TMEM229B: variants seen among roughly 807,000 people sequenced by gnomAD.
TMEM229B encodes chromosome 14 open reading frame 83.
Under a neutral mutation model 13.7 loss-of-function variants are expected in TMEM229B, and 6 were observed. The ratio of observed to expected loss-of-function variants is 0.44; its 90% confidence interval spans 0.24 to 0.86. The LOEUF is 0.86. TMEM229B is among the 40% of genes least tolerant of loss of function. The probability of loss-of-function intolerance (pLI) is 0.23; values close to 1 mark genes in which losing one functional copy is unlikely to be tolerated. For missense variants in TMEM229B, 170 were observed against 236.0 expected (o/e 0.72, Z 1.83); for synonymous variants, 107 against 102.1 (o/e 1.05, Z -0.29).
At chr14:67,525,349 T>C (rs2033350152) in intron 1 of TMEM229B, among the ~76,000 whole-genome samples, 1 of 152,248 alleles carries the variant, frequency 6.6e-6, no homozygotes, top group Non-Finnish European at 1.5e-5. Flanking sequence ...TCAATAAATA[T>C]AATTCTTCAT....
exon 1 of TMEM229B, chr14:67,515,420 C>A: frequency 5.4e-6 from 1 of 184,122 alleles, no homozygotes; most frequent in Non-Finnish European, 1.1e-5. Flanking sequence ...GCGGCGGCGG[C>A]GGCGGCGGCG....
Position 67,473,867 on chromosome 14 carries a change from G to A in TMEM229B, c.57C>T (p.His19=), listed in dbSNP as rs1465724806. 5.0e-6 allele frequency: 8 copies of A among 1,612,104 alleles called. No individual in the cohort carries two copies. In the South Asian group the frequency reaches 5.5e-5, roughly 11 times the overall value. The change falls in exon 3 of 3, where the codon CAC becomes CAT. Residue 19 remains histidine, a synonymous_variant. Coordinates refer to ENST00000554480, the MANE Select transcript of TMEM229B (RefSeq NM_001348543.2). This position sits in a 1 kb window ranked among gnomAD's most constrained non-coding sequence, Gnocchi z 6.5. ...ALSRWYLYAI[H]GYFCEVMFTA... is the part of the protein sequence containing the mutation. ...TGAACATCACCTCGCAGAAGTAGCCGTGGATGGCATACAGGTACCAGCGGG... is the reference window on the plus strand; with the variant it reads ...TGAACATCACCTCGCAGAAGTAGCCATGGATGGCATACAGGTACCAGCGGG...
chr14:67,531,562 C>T (rs905769579), intron 1 of TMEM229B, among the ~76,000 whole-genome samples: 5 of 151,850 alleles, frequency 3.3e-5, no homozygotes, highest in South Asian at 2.1e-4. Flanking sequence ...GGAGAGCATG[C>T]TCCTCCCATT....
intron 2 of TMEM229B, among the ~76,000 whole-genome samples, chr14:67,485,812 C>T (rs932749818): frequency 3.9e-5 from 6 of 152,248 alleles, no homozygotes; most frequent in African/African-American, 1.4e-4. Flanking sequence ...CACCCTACCT[C>T]GAGCTTGTCT....
chr14:67,483,514 G>A (rs2031708252), intron 2 of TMEM229B, among the ~76,000 whole-genome samples: 1 of 152,190 alleles, frequency 6.6e-6, no homozygotes, highest in Non-Finnish European at 1.5e-5. Context: ...CAAGGAGAAG[G>A]TTGTGAACTT....
Position 67,473,176 on chromosome 14 carries a change from A to G in TMEM229B, c.*244T>C, listed in dbSNP as rs1299656257. On this transcript the variant is annotated 3_prime_UTR_variant, in exon 3 of 3. Transcript: ENST00000554480. The surrounding 1 kb of genome is among the most constrained non-coding windows in gnomAD (Gnocchi z 6.5). Reference sequence around the variant, plus strand: ...CAGGCCTCCTGGTACCAACCCCTGAACTGGGCCGCGATCCATGGACCCTTC... The same window carrying G: ...CAGGCCTCCTGGTACCAACCCCTGAGCTGGGCCGCGATCCATGGACCCTTC... 1.9e-6 allele frequency: 1 copy of G among 540,378 alleles called. No homozygotes were observed. Among genetic ancestry groups the G allele is most frequent in the African/African-American group, 1.9e-5 (1 of 52,538 alleles). 33.5% of individuals were successfully genotyped at this position (540,378 alleles called of 1,614,324 possible). A position where few individuals can be genotyped will look rare whatever the true frequency, so the allele number is the denominator to read the frequency against.
chr14:67,500,937 C>G (rs1020144985), intron 1 of TMEM229B, among the ~76,000 whole-genome samples: 3 of 151,720 alleles, frequency 2.0e-5, no homozygotes, highest in African/African-American at 7.3e-5. Context: ...CAAATTGACT[C>G]AAATGAGTAG....
chr14:67,509,930 A>T (rs2032971012), intron 1 of TMEM229B, among the ~76,000 whole-genome samples: 1 of 152,196 alleles, frequency 6.6e-6, no homozygotes, highest in African/African-American at 2.4e-5. Flanking sequence ...GGATCACTTG[A>T]ACCCAGGAGT....
intron 1 of TMEM229B, among the ~76,000 whole-genome samples, chr14:67,526,987 A>G (rs753112109): frequency 5.9e-5 from 9 of 152,230 alleles, no homozygotes; most frequent in Non-Finnish European, 1.2e-4. Flanking sequence ...GGTTCAGGCC[A>G]AGCCACTAGG....
intron 2 of TMEM229B, among the ~76,000 whole-genome samples, chr14:67,483,847 G>A (rs909740684): frequency 2.6e-5 from 4 of 152,232 alleles, no homozygotes; most frequent in Non-Finnish European, 5.9e-5. Flanking sequence ...ATGTCAGGAG[G>A]AGCGGTCCGA....
chr14:67,520,123 C>T (rs978646068), upstream of TMEM229B, among the ~76,000 whole-genome samples: 5 of 152,176 alleles, frequency 3.3e-5, no homozygotes, highest in Non-Finnish European at 1.5e-5. Flanking sequence ...ATAGACTTCC[C>T]ATTATCAGAA....
chr14:67,530,887 A>C (rs1272900301), intron 1 of TMEM229B, among the ~76,000 whole-genome samples: 4 of 152,232 alleles, frequency 2.6e-5, no homozygotes, highest in Non-Finnish European at 4.4e-5. Flanking sequence ...AGGAGATTAC[A>C]GAAAAGAAGA....
intron 2 of TMEM229B, among the ~76,000 whole-genome samples, chr14:67,484,240 T>G (rs1249641171): frequency 6.6e-6 from 1 of 152,194 alleles, no homozygotes; most frequent in African/African-American, 2.4e-5. Flanking sequence ...CACTGTCTTG[T>G]TCACTGCTGT....
intron 1 of TMEM229B, among the ~76,000 whole-genome samples, chr14:67,500,453 C>A (rs547978486): frequency 3.7e-4 from 56 of 152,104 alleles, no homozygotes; most frequent in African/African-American, 1.2e-3. Flanking sequence ...CCAATCAGGG[C>A]AACAAGAGTG....
intron 2 of TMEM229B, among the ~76,000 whole-genome samples, chr14:67,479,231 C>T (rs983187921): frequency 1.3e-5 from 2 of 151,528 alleles, no homozygotes; most frequent in Non-Finnish European, 1.5e-5. Context: ...CATGGTGAAA[C>T]CCTGTCTCTA....
chr14:67,476,506 G>A (rs573819081), intron 2 of TMEM229B, among the ~76,000 whole-genome samples: 1 of 152,226 alleles, frequency 6.6e-6, no homozygotes, highest in African/African-American at 2.4e-5. Flanking sequence ...AAAATTGCTT[G>A]AACCCAGGAG....
chr14:67,474,279 A>T (rs1289732613), intron 2 of TMEM229B, among the ~76,000 whole-genome samples: 2 of 147,584 alleles, frequency 1.4e-5, no homozygotes, highest in East Asian at 4.0e-4. Context: ...AAAAAAACAG[A>T]GCAAAGAACA....
At chr14:67,485,644 C>T (rs1000712931) in intron 2 of TMEM229B, among the ~76,000 whole-genome samples, 1 of 152,176 alleles carries the variant, frequency 6.6e-6, no homozygotes, top group African/African-American at 2.4e-5. Context: ...GGCTACGGGC[C>T]CTGCACAGAC....
intron 1 of TMEM229B, among the ~76,000 whole-genome samples, chr14:67,504,118 A>G (rs1201915432): frequency 1.3e-5 from 2 of 151,880 alleles, no homozygotes; most frequent in African/African-American, 4.8e-5. Context: ...GGTTCAAGCG[A>G]TTCTCCTGCC....
Sources: allele counts gnomAD v4.1 joint callset (sites outside exome capture counted in the v4.1 genomes callset), GRCh38; gene constraint gnomAD v4.1.1; non-coding constraint Gnocchi (gnomAD v3.1); transcripts MANE v1.5; gene names NCBI Gene and HGNC (gene_info 2026-07-23, HGNC 2026-07-21).